The following CCM2 variants were observed in gnomAD, a reference collection of about 807,000 sequenced individuals.
The protein encoded by CCM2 is cerebral cavernous malformations 2 protein.
In CCM2, 25 loss-of-function variants were observed where a neutral mutation model predicts 44.9. That is an observed-to-expected ratio of 0.56 (90% CI 0.41 to 0.78). CCM2 has a LOEUF of 0.78. Among genes scored for constraint, CCM2 ranks in the 30% least tolerant of loss-of-function variants. CCM2 has a pLI of 0.00. For synonymous variants in CCM2, 219 were observed against 241.1 expected (o/e 0.91, Z 0.85); for missense variants, 481 against 580.6 (o/e 0.83, Z 1.76).
At position 45,054,967 on chromosome 7, in the gene CCM2, G is replaced by C. The variant is rs542382907; in HGVS notation, c.205-8951G>C. 4.6e-5 allele frequency among the ~76,000 whole-genome samples: 7 copies of C among 152,236 alleles called. No individual in the cohort carries two copies. In the South Asian group the frequency reaches 1.2e-3, roughly 27 times the overall value. On this transcript the variant is annotated intron_variant, in intron 2 of 9. Coordinates refer to ENST00000258781, the MANE Select transcript of CCM2 (RefSeq NM_031443.4). ...ATTAGAGCTGTACTTTTTCTTTATT[G>C]ACAAAAGTTGTTTTCCTACTATAAA...
intron 2 of CCM2, among the ~76,000 whole-genome samples, chr7:45,040,591 C>T (rs189429414): frequency 2.0e-5 from 3 of 152,178 alleles, no homozygotes; most frequent in East Asian, 3.9e-4. Flanking sequence ...GGACATGACT[C>T]CCCCCATTGA....
At chr7:45,017,920 TATC>T (rs1796329332) in intron 1 of CCM2, among the ~76,000 whole-genome samples, 1 of 151,892 alleles carries the variant, frequency 6.6e-6, no homozygotes, top group South Asian at 2.1e-4. Flanking sequence ...CACCTTTTAT[TATC>T]TGAAAATACC....
At chr7:45,022,408 G>A (rs1272195252) in intron 1 of CCM2, among the ~76,000 whole-genome samples, 8 of 140,190 alleles carry the variant, frequency 5.7e-5, no homozygotes, top group Non-Finnish European at 1.2e-4. Flanking sequence ...CCGGGTTCAC[G>A]CCATTCTCCT....
chr7:45,020,742 G>T (rs1796450040), intron 1 of CCM2, among the ~76,000 whole-genome samples: 1 of 152,136 alleles, frequency 6.6e-6, no homozygotes, highest in African/African-American at 2.4e-5. Context: ...AAAATTTTGA[G>T]TATTTTCCAA....
intron 1 of CCM2, among the ~76,000 whole-genome samples, chr7:45,016,394 A>G (rs1021471135): frequency 6.6e-6 from 1 of 152,022 alleles, no homozygotes; most frequent in Non-Finnish European, 1.5e-5. Flanking sequence ...CAATGGCGCG[A>G]TCTTGGCTCA....
chr7:45,066,269 G>A (rs1197743102), intron 4 of CCM2, among the ~76,000 whole-genome samples: 1 of 152,064 alleles, frequency 6.6e-6, no homozygotes, highest in Non-Finnish European at 1.5e-5. Flanking sequence ...TGTGTCCCCT[G>A]TGTTACATAA....
At chr7:45,068,061 C>T (rs1232544583) in intron 4 of CCM2, 7 of 355,440 alleles carry the variant, frequency 2.0e-5, no homozygotes, top group East Asian at 1.4e-4. Flanking sequence ...ACTCACACGC[C>T]CTCAGGCCAG....
chr7:45,014,778 A>AGCCT (rs1350102807), intron 1 of CCM2, among the ~76,000 whole-genome samples: 2 of 151,674 alleles, frequency 1.3e-5, no homozygotes, highest in Admixed American at 6.6e-5. Context: ...TGCACCACCA[A>AGCCT]GCCTGTCTAA....
At chr7:45,032,815 T>G (rs1583887779) in intron 1 of CCM2, among the ~76,000 whole-genome samples, 1 of 151,846 alleles carries the variant, frequency 6.6e-6, no homozygotes, top group Non-Finnish European at 1.5e-5. Context: ...CTGAGGCTGG[T>G]GGATCACCTG....
chr7:45,028,025 CA>C (rs1369051571), intron 1 of CCM2, among the ~76,000 whole-genome samples: 1 of 152,126 alleles, frequency 6.6e-6, no homozygotes, highest in Admixed American at 6.5e-5. Flanking sequence ...CCGTTCCACC[CA>C]GGTGGGGAGT....
At chr7:45,058,324 GT>G (rs541756369) in intron 2 of CCM2, among the ~76,000 whole-genome samples, 9 of 151,488 alleles carry the variant, frequency 5.9e-5, no homozygotes, top group East Asian at 1.9e-4. Context: ...GCTTTAGGGT[GT>G]TTTTTTTTAA....
intron 2 of CCM2, among the ~76,000 whole-genome samples, chr7:45,041,615 A>T (rs1240642597): frequency 3.3e-5 from 5 of 152,162 alleles, no homozygotes; most frequent in African/African-American, 1.2e-4. Flanking sequence ...AAAACAGAGA[A>T]TATTTAGACA....
At chr7:45,015,891 C>G (rs1349044689) in intron 1 of CCM2, among the ~76,000 whole-genome samples, 1 of 152,164 alleles carries the variant, frequency 6.6e-6, no homozygotes, top group East Asian at 1.9e-4. Context: ...CTGATGCTGC[C>G]CCCACCTCCC....
In CCM2 at chr7:45,001,646, A is replaced by G. The variant is rs1583823144; in HGVS notation, c.30+1283A>G. ...CTGATGACCTCATTGTGCACCGCTTACAGGAGTACCTGGCCCATCTACCTG... is the reference window on the plus strand; with the variant it reads ...CTGATGACCTCATTGTGCACCGCTTGCAGGAGTACCTGGCCCATCTACCTG... On this transcript the variant is annotated intron_variant, in intron 1 of 9. Coordinates refer to ENST00000258781, the MANE Select transcript of CCM2 (RefSeq NM_031443.4). 1.3e-5 allele frequency among the ~76,000 whole-genome samples: 2 copies of G among 152,212 alleles called. 1 individual carries two copies. The highest frequency in any genetic ancestry group is 2.9e-5 in the Non-Finnish European group (2 of 68,032).
At chr7:45,012,456 T>C (rs1470397232) in intron 1 of CCM2, among the ~76,000 whole-genome samples, 2 of 152,126 alleles carry the variant, frequency 1.3e-5, no homozygotes, top group Non-Finnish European at 2.9e-5. Context: ...TTGAAATGAA[T>C]CTTTTTCATT....
intron 1 of CCM2, among the ~76,000 whole-genome samples, chr7:45,024,265 C>T (rs1006835294): frequency 6.6e-6 from 1 of 152,204 alleles, no homozygotes; most frequent in African/African-American, 2.4e-5. Context: ...TCTGGCATCA[C>T]CATTCAGCAG....
chr7:45,063,048 C>T (rs1342368818), intron 2 of CCM2: 1 of 151,650 alleles, frequency 6.6e-6, no homozygotes, highest in Non-Finnish European at 1.5e-5. Context: ...AAGGGCAGAG[C>T]TCTCGTGGCC....
At chr7:45,011,019 A>G (rs896547909) in intron 1 of CCM2, among the ~76,000 whole-genome samples, 6 of 152,104 alleles carry the variant, frequency 3.9e-5, no homozygotes, top group Admixed American at 3.3e-4. Context: ...CTTTCTGCTA[A>G]ATTTTTGTCT....
intron 6 of CCM2, 58 bp downstream of exon 6, chr7:45,070,019 T>C (rs1387350837): frequency 2.9e-5 from 47 of 1,597,550 alleles, no homozygotes; most frequent in African/African-American, 1.3e-5. Flanking sequence ...GCTACTGCAG[T>C]GGCCCCCAGC....
Sources: gnomAD v4.1 joint callset for allele counts (sites outside exome capture counted in the v4.1 genomes callset) on GRCh38, gnomAD v4.1.1 for gene constraint, MANE v1.5 for transcripts, NCBI Gene and HGNC (gene_info 2026-07-23, HGNC 2026-07-21) for gene names.